Variants in SLC35D2 observed in about 807,000 individuals in gnomAD.
SLC35D2 encodes nucleotide sugar transporter SLC35D2.
A neutral mutation model predicts 41.8 loss-of-function variants in SLC35D2; 43 were observed. That is an observed-to-expected ratio of 1.03 (90% confidence interval 0.81 to 1.33). The LOEUF (loss-of-function observed/expected upper bound fraction) is 1.33. SLC35D2 is among the 40% of genes most tolerant of loss of function. The probability of loss-of-function intolerance (pLI) is 0.00; values close to 1 mark genes in which losing one functional copy is unlikely to be tolerated. For missense variants in SLC35D2, 380 were observed against 408.4 expected (o/e 0.93, Z 0.60); for synonymous variants, 150 against 163.9 (o/e 0.92, Z 0.65).
At chr9:96,375,307 G>A (rs1468352349) in intron 1 of SLC35D2, among the ~76,000 whole-genome samples, 1 of 152,066 alleles carries the variant, frequency 6.6e-6, no homozygotes, top group Non-Finnish European at 1.5e-5. Flanking sequence ...GCCGGGTGCA[G>A]TGGGTCACGC....
intron 8 of SLC35D2, among the ~76,000 whole-genome samples, chr9:96,343,282 T>A (rs767045068): frequency 1.3e-5 from 2 of 152,226 alleles, no homozygotes; most frequent in Non-Finnish European, 2.9e-5. Flanking sequence ...CAGCAGCAGA[T>A]ACGGTTTCAG....
chr9:96,359,665 A>G (rs1830181779), intron 4 of SLC35D2, among the ~76,000 whole-genome samples: 1 of 151,786 alleles, frequency 6.6e-6, no homozygotes, highest in Admixed American at 6.6e-5. Context: ...CCAACCTGGG[A>G]GACAGAGTGA....
Position 96,368,270 on chromosome 9 carries a change from AC to A in SLC35D2, c.192+1del, listed in dbSNP as rs759210053. ...AGGTTAATTCTATTTTTTTTCACTC[AC>A]CTGTCCAATTCCAAGGAAAATTGGT... On this transcript the variant is annotated splice_donor_variant, in intron 2 of 11. Coordinates refer to ENST00000253270, the MANE Select transcript of SLC35D2 (RefSeq NM_007001.3). LOFTEE classifies it high-confidence loss of function. 6.2e-7 allele frequency: 1 copy of A among 1,603,012 alleles called. No homozygotes were observed. The highest frequency in any genetic ancestry group is 8.5e-7 in the Non-Finnish European group (1 of 1,172,642).
chr9:96,372,076 T>G (rs986579115), intron 1 of SLC35D2, among the ~76,000 whole-genome samples: 1 of 152,196 alleles, frequency 6.6e-6, no homozygotes, highest in East Asian at 1.9e-4. Context: ...CCCATCTAAA[T>G]AACTCTTCAA....
rs760021851 is a variant in SLC35D2 at position 96,322,064 on chromosome 9, T to C, written c.848A>G (p.Tyr283Cys). 1.2e-6 allele frequency: 2 copies of C among 1,601,612 alleles called. No individual in the cohort carries two copies. Among genetic ancestry groups the C allele is most frequent in the Non-Finnish European group, 1.7e-6 (2 of 1,169,020 alleles). The change falls in exon 11 of 12, where the codon TAC (tyrosine) becomes TGC (cysteine). Residue 283 changes from tyrosine to cysteine, a missense_variant. Transcript: ENST00000253270. Reference sequence around the variant, plus strand: ...GTCTCCACCGATTAATATCCCAATGTAGGCAACGGATACATTCTGCAGAAA... The same window carrying C: ...GTCTCCACCGATTAATATCCCAATGCAGGCAACGGATACATTCTGCAGAAA... ...VGAIKNVSVA[Y>C]IGILIGGDYI...
chr9:96,342,142 G>A (rs1009429480), intron 8 of SLC35D2, among the ~76,000 whole-genome samples: 20 of 151,206 alleles, frequency 1.3e-4, no homozygotes, highest in African/African-American at 4.4e-4. Context: ...ATGGAGTCTC[G>A]CTCTGTCACC....
chr9:96,334,354 T>C (rs1379586464), intron 9 of SLC35D2, among the ~76,000 whole-genome samples: 1 of 152,102 alleles, frequency 6.6e-6, no homozygotes, highest in East Asian at 1.9e-4. Context: ...TTAAGCAAAA[T>C]GGGCCGGGTG....
At chr9:96,369,239 T>C (rs1185753088) in intron 1 of SLC35D2, among the ~76,000 whole-genome samples, 1 of 152,148 alleles carries the variant, frequency 6.6e-6, no homozygotes, top group East Asian at 1.9e-4. Context: ...AATCAAAGAT[T>C]TGCAAGAAAG....
At chr9:96,325,543 C>T (rs1254199212) in intron 9 of SLC35D2, among the ~76,000 whole-genome samples, 4 of 152,076 alleles carry the variant, frequency 2.6e-5, no homozygotes, top group African/African-American at 4.8e-5. Flanking sequence ...ATTAGCCGGG[C>T]GTGGCGGCAC....
At chr9:96,348,254 A>C (rs1220670582) in intron 6 of SLC35D2, among the ~76,000 whole-genome samples, 2 of 152,182 alleles carry the variant, frequency 1.3e-5, no homozygotes, top group Non-Finnish European at 2.9e-5. Context: ...CTTGTTTTTG[A>C]ATAAAATGTA....
chr9:96,342,801 C>T (rs1829395227), intron 8 of SLC35D2, among the ~76,000 whole-genome samples: 1 of 152,192 alleles, frequency 6.6e-6, no homozygotes, highest in Non-Finnish European at 1.5e-5. Context: ...CAAGGAGCTG[C>T]CCAGGAGTCC....
intron 3 of SLC35D2, among the ~76,000 whole-genome samples, chr9:96,364,137 G>A (rs1323445703): frequency 6.6e-6 from 1 of 152,080 alleles, no homozygotes; most frequent in Non-Finnish European, 1.5e-5. Context: ...CCAACATGGT[G>A]AAACCCCATC....
intron 9 of SLC35D2, among the ~76,000 whole-genome samples, chr9:96,324,417 A>G (rs1308375031): frequency 6.6e-6 from 1 of 152,188 alleles, no homozygotes; most frequent in East Asian, 1.9e-4. Flanking sequence ...GTACATTTCC[A>G]ATGAATGTTT....
chr9:96,351,943 T>C (rs1043063614), intron 5 of SLC35D2, 95 bp downstream of exon 5: 18 of 707,268 alleles, frequency 2.5e-5, no homozygotes, highest in Middle Eastern at 2.5e-4. Flanking sequence ...TGTCCTTAAA[T>C]TATTGCAACT....
At chr9:96,335,770 G>A (rs1044708340) in intron 9 of SLC35D2, among the ~76,000 whole-genome samples, 2 of 152,014 alleles carry the variant, frequency 1.3e-5, no homozygotes, top group East Asian at 1.9e-4. Flanking sequence ...TTTCAAGAAC[G>A]GGGCCAGGCG....
intron 6 of SLC35D2, among the ~76,000 whole-genome samples, chr9:96,347,550 T>C (rs1382085898): frequency 6.6e-6 from 1 of 152,206 alleles, no homozygotes; most frequent in East Asian, 1.9e-4. Flanking sequence ...ATTTTTTTAC[T>C]TTTATTTTTG....
chr9:96,330,947 G>C, intron 9 of SLC35D2, among the ~76,000 whole-genome samples: 1 of 152,118 alleles, frequency 6.6e-6, no homozygotes. Flanking sequence ...ACCCAGGCTA[G>C]AGTGCAATGG....
intron 9 of SLC35D2, among the ~76,000 whole-genome samples, chr9:96,334,027 C>T (rs1828936266): frequency 6.6e-6 from 1 of 152,124 alleles, no homozygotes; most frequent in Admixed American, 6.5e-5. Flanking sequence ...AATGTTCCCA[C>T]TCAACAACTG....
intron 1 of SLC35D2, among the ~76,000 whole-genome samples, chr9:96,382,921 T>C (rs1035178168): frequency 2.6e-5 from 4 of 152,174 alleles, no homozygotes; most frequent in Non-Finnish European, 5.9e-5. Flanking sequence ...GCCGCTACAA[T>C]GGTAGCAGAA....
Sources: gnomAD v4.1 joint callset for allele counts (sites outside exome capture counted in the v4.1 genomes callset) on GRCh38, gnomAD v4.1.1 for gene constraint, MANE v1.5 for transcripts, NCBI Gene and HGNC (gene_info 2026-07-23, HGNC 2026-07-21) for gene names.